The following MYO1D variants were observed in gnomAD, a reference collection of about 807,000 sequenced individuals.
The protein encoded by MYO1D is unconventional myosin-Id.
MYO1D carries 83 observed loss-of-function variants against 122.0 expected under a neutral mutation model. The observed-to-expected ratio is 0.68, with a 90% CI of 0.57 to 0.82. The LOEUF is 0.82. Ranked by LOEUF, MYO1D falls within the 40% of genes least tolerant of loss-of-function variation. The pLI, the probability that MYO1D is intolerant of heterozygous loss-of-function variation, is 0.00. For synonymous variants in MYO1D, 464 were observed against 446.9 expected (o/e 1.04, Z -0.48); for missense variants, 1,157 against 1,269.5 (o/e 0.91, Z 1.35).
intron 21 of MYO1D, among the ~76,000 whole-genome samples, chr17:32,545,348 G>C (rs1393425387): frequency 3.9e-5 from 6 of 152,236 alleles, no homozygotes; most frequent in African/African-American, 2.4e-5. Context: ...ATGTGGCTCA[G>C]TGGCAGCACC....
At chr17:32,811,650 G>A (rs1179873987) in intron 1 of MYO1D, among the ~76,000 whole-genome samples, 4 of 124,734 alleles carry the variant, frequency 3.2e-5, no homozygotes, top group Non-Finnish European at 6.5e-5. Flanking sequence ...TTTGCCAGGA[G>A]GGCTCTGATG....
intron 21 of MYO1D, among the ~76,000 whole-genome samples, chr17:32,530,450 A>T (rs1413175710): frequency 6.6e-6 from 1 of 152,240 alleles, no homozygotes; most frequent in South Asian, 2.1e-4. Context: ...CAAGAATATA[A>T]TAATTTCATT....
chr17:32,700,955 A>G (rs1248737492), intron 16 of MYO1D, among the ~76,000 whole-genome samples: 1 of 151,644 alleles, frequency 6.6e-6, no homozygotes, highest in East Asian at 1.9e-4. Context: ...AAAAAAAAAA[A>G]AAAAGAAAAA....
chr17:32,777,945 AAAAG>A (rs1358429122), intron 3 of MYO1D, among the ~76,000 whole-genome samples: 1 of 152,156 alleles, frequency 6.6e-6, no homozygotes, highest in East Asian at 1.9e-4. Flanking sequence ...AAAAAAGAAA[AAAAG>A]AAAATGAATC....
At chr17:32,592,101 C>G (rs967399604) in intron 21 of MYO1D, among the ~76,000 whole-genome samples, 7 of 152,192 alleles carry the variant, frequency 4.6e-5, no homozygotes, top group African/African-American at 1.7e-4. Context: ...CTTGCACACC[C>G]TTATGTCAAG....
At chr17:32,714,419 C>T (rs889159547) in intron 15 of MYO1D, among the ~76,000 whole-genome samples, 6 of 152,210 alleles carry the variant, frequency 3.9e-5, no homozygotes, top group Non-Finnish European at 7.3e-5. Flanking sequence ...TTTATGGCTG[C>T]ATAGTATTCC....
At position 32,518,208 on chromosome 17, in the gene MYO1D, A is replaced by T. The variant is rs939208659; in HGVS notation, c.2865-23293T>A. The T allele has an allele frequency of 4.5e-5, 9 of 199,322 alleles. No individual in the cohort carries two copies. In the South Asian group the frequency reaches 5.4e-4, roughly 12 times the overall value. 12.3% of individuals were successfully genotyped at this position (199,322 alleles called of 1,614,324 possible). A position where few individuals can be genotyped will look rare whatever the true frequency, so the allele number is the denominator to read the frequency against. ...CCCTTCTCATTTCTTTCGTCAACAA[A>T]CATTGGCTAAAGCCTGTGTGTCAGC... is the stretch of plus-strand genomic sequence containing the variant. On this transcript the variant is annotated intron_variant, in intron 21 of 21. Transcript: ENST00000318217.
chr17:32,628,125 C>T (rs1252774239), intron 20 of MYO1D, among the ~76,000 whole-genome samples: 3 of 152,138 alleles, frequency 2.0e-5, no homozygotes, highest in Non-Finnish European at 4.4e-5. Context: ...ACCACAAGTC[C>T]CCCAGCTCAC....
At chr17:32,612,599 T>C (rs2087715303) in intron 20 of MYO1D, among the ~76,000 whole-genome samples, 1 of 149,836 alleles carries the variant, frequency 6.7e-6, no homozygotes, top group Non-Finnish European at 1.5e-5. Context: ...GGCAGGAGGA[T>C]TGCTTGAGCC....
chr17:32,598,391 A>G (rs771784829), intron 21 of MYO1D, among the ~76,000 whole-genome samples: 7 of 152,136 alleles, frequency 4.6e-5, no homozygotes, highest in Non-Finnish European at 1.0e-4. Flanking sequence ...AAAAAAAAAG[A>G]AACCTGTTTG....
intron 21 of MYO1D, among the ~76,000 whole-genome samples, chr17:32,579,114 G>A (rs2087304863): frequency 6.6e-6 from 1 of 152,016 alleles, no homozygotes; most frequent in Non-Finnish European, 1.5e-5. Context: ...TGTCACCCAG[G>A]CGAGAGTGCG....
At chr17:32,583,880 C>T (rs1436932258) in intron 21 of MYO1D, among the ~76,000 whole-genome samples, 3 of 152,176 alleles carry the variant, frequency 2.0e-5, no homozygotes, top group East Asian at 1.9e-4. Flanking sequence ...GTTTGGATTA[C>T]AGGCATGTGC....
chr17:32,764,262 T>C (rs914738021), intron 8 of MYO1D, among the ~76,000 whole-genome samples: 2 of 152,138 alleles, frequency 1.3e-5, no homozygotes, highest in African/African-American at 4.8e-5. Flanking sequence ...TACCAGAGGC[T>C]AGAGGAGCGG....
At chr17:32,578,030 C>T (rs1423679288) in intron 21 of MYO1D, among the ~76,000 whole-genome samples, 4 of 152,182 alleles carry the variant, frequency 2.6e-5, no homozygotes, top group South Asian at 2.1e-4. Context: ...TGAGCCACCG[C>T]GCCCAGCCTC....
Position 32,775,855 on chromosome 17 carries a change from A to C in MYO1D, c.564+9T>G. 1 of 1,590,512 alleles carries C rather than the reference A, an allele frequency of 6.3e-7. No homozygotes were observed. Among genetic ancestry groups the C allele is most frequent in the Non-Finnish European group, 8.6e-7 (1 of 1,166,772 alleles). On this transcript the variant is annotated intron_variant, in intron 4 of 21. Transcript: ENST00000318217. The stretch of plus-strand genomic sequence containing the variant: ...AAAACATTACCCTCAGAAATTAAGC[A>C]TATTTTACCTTTTCTAGTAAGTAGT...
intron 4 of MYO1D, among the ~76,000 whole-genome samples, chr17:32,774,831 G>A (rs1363982973): frequency 6.6e-6 from 1 of 152,142 alleles, no homozygotes; most frequent in Non-Finnish European, 1.5e-5. Flanking sequence ...TCATTATATG[G>A]CCATAAAGGA....
chr17:32,500,002 C>T (rs180843080), intron 21 of MYO1D, among the ~76,000 whole-genome samples: 1 of 152,264 alleles, frequency 6.6e-6, no homozygotes, highest in Admixed American at 6.5e-5. Context: ...AAATAAACAA[C>T]CCTACAAGTT....
chr17:32,581,912 GCAC>G lies in MYO1D; in HGVS notation c.2864+23172_2864+23174del, dbSNP rs569459377. ...CCTGAGTAGTTGGGACTACACGTGT[GCAC>G]CACCACACCTGGCTAATTTTTGTAT... On this transcript the variant is annotated intron_variant, in intron 21 of 21. Coordinates refer to ENST00000318217, the MANE Select transcript of MYO1D (RefSeq NM_015194.3). Among the ~76,000 whole-genome samples, 20 of 152,074 alleles carry G rather than the reference GCAC, an allele frequency of 1.3e-4. No individual in the cohort carries two copies. In the South Asian group the frequency reaches 3.5e-3, roughly 27 times the overall value.
chr17:32,655,880 G>GGGAGGT (rs947646986), intron 17 of MYO1D, among the ~76,000 whole-genome samples: 6 of 152,188 alleles, frequency 3.9e-5, no homozygotes, highest in African/African-American at 1.2e-4. Context: ...GCTTGGATCA[G>GGGAGGT]GGAGGTGGAG....
Sources: gnomAD v4.1 joint callset for allele counts (sites outside exome capture counted in the v4.1 genomes callset) on GRCh38, gnomAD v4.1.1 for gene constraint, MANE v1.5 for transcripts, NCBI Gene and HGNC (gene_info 2026-07-23, HGNC 2026-07-21) for gene names.